VPS41: variants seen among roughly 807,000 people sequenced by gnomAD.
The protein encoded by VPS41 is vacuolar protein sorting-associated protein 41 homolog.
Under a neutral mutation model 130.9 loss-of-function variants are expected in VPS41, and 85 were observed. The ratio of observed to expected loss-of-function variants is 0.65; its 90% CI spans 0.55 to 0.78. The LOEUF is 0.78. Among genes scored for constraint, VPS41 ranks in the 30% least tolerant of loss-of-function variants. VPS41 has a pLI of 0.00. For missense variants in VPS41, 874 were observed against 1,018.7 expected (o/e 0.86, Z 1.93); for synonymous variants, 335 against 332.9 (o/e 1.01, Z -0.07).
intron 10 of VPS41, among the ~76,000 whole-genome samples, chr7:38,779,277 C>T (rs1054424848): frequency 5.9e-5 from 9 of 152,140 alleles, no homozygotes; most frequent in African/African-American, 1.2e-4. Context: ...GACTTCCAGA[C>T]GCACAGGTAA....
intron 10 of VPS41, among the ~76,000 whole-genome samples, chr7:38,787,042 A>C (rs764441776): frequency 6.6e-6 from 1 of 152,248 alleles, no homozygotes; most frequent in African/African-American, 2.4e-5. Context: ...TATATGATCA[A>C]TGAAGATACA....
At chr7:38,763,803 T>C (rs962245755) in intron 16 of VPS41, among the ~76,000 whole-genome samples, 1 of 152,224 alleles carries the variant, frequency 6.6e-6, no homozygotes, top group African/African-American at 2.4e-5. Context: ...CTGTTCTTCC[T>C]GATGAGTTAA....
chr7:38,792,676 C>T (rs974217159), intron 9 of VPS41, among the ~76,000 whole-genome samples: 5 of 152,166 alleles, frequency 3.3e-5, no homozygotes, highest in African/African-American at 1.2e-4. Context: ...AACCAGAGAT[C>T]CTTCCAAAAT....
intron 17 of VPS41, among the ~76,000 whole-genome samples, 193 bp downstream of exon 17, chr7:38,763,262 G>A (rs1397210157): frequency 6.6e-6 from 1 of 152,094 alleles, no homozygotes; most frequent in African/African-American, 2.4e-5. Flanking sequence ...TCCTTAAAAT[G>A]CACACGGACT....
At chr7:38,879,432 G>A (rs1047277804) in intron 2 of VPS41, among the ~76,000 whole-genome samples, 2 of 152,088 alleles carry the variant, frequency 1.3e-5, no homozygotes, top group Non-Finnish European at 1.5e-5. Flanking sequence ...ACTTCATGAA[G>A]GCTCAGAAGA....
intron 1 of VPS41, 57 bp from the exon 2 acceptor site, chr7:38,898,186 G>T: frequency 1.3e-6 from 2 of 1,488,082 alleles, no homozygotes; most frequent in Non-Finnish European, 1.9e-6. Context: ...ATAATCATTT[G>T]CAAGGGGAAA....
chr7:38,755,442 T>A (rs1026350657), intron 19 of VPS41, among the ~76,000 whole-genome samples: 1 of 152,224 alleles, frequency 6.6e-6, no homozygotes, highest in Admixed American at 6.5e-5. Context: ...AGTTTCATAA[T>A]GACATAAAGC....
chr7:38,756,188 T>G (rs1182062251), intron 19 of VPS41, among the ~76,000 whole-genome samples: 1 of 150,034 alleles, frequency 6.7e-6, no homozygotes, highest in Admixed American at 6.8e-5. Context: ...ATTTCTGTCA[T>G]GAGCACTTGT....
chr7:38,857,056 G>A (rs1193322542), intron 4 of VPS41, among the ~76,000 whole-genome samples: 1 of 152,180 alleles, frequency 6.6e-6, no homozygotes, highest in Admixed American at 6.5e-5. Context: ...TGGTTAGATG[G>A]ACAGAGGTCT....
chr7:38,881,523 A>G (rs1786608061), intron 2 of VPS41, among the ~76,000 whole-genome samples: 2 of 152,210 alleles, frequency 1.3e-5, no homozygotes, highest in African/African-American at 2.4e-5. Flanking sequence ...CCTGTTACAG[A>G]GAATAATATA....
intron 4 of VPS41, among the ~76,000 whole-genome samples, chr7:38,843,494 A>G (rs1785656530): frequency 6.6e-6 from 1 of 151,976 alleles, no homozygotes; most frequent in African/African-American, 2.4e-5. Flanking sequence ...CATCTTGGCT[A>G]ACATGGTGAA....
chr7:38,876,606 C>A (rs550241820), intron 2 of VPS41, among the ~76,000 whole-genome samples: 1 of 152,110 alleles, frequency 6.6e-6, no homozygotes. Flanking sequence ...ATTATAAAAA[C>A]GGTTCAACAT....
intron 17 of VPS41, among the ~76,000 whole-genome samples, chr7:38,761,561 G>C (rs1376703603): frequency 1.3e-5 from 2 of 151,328 alleles, no homozygotes; most frequent in African/African-American, 4.9e-5. Flanking sequence ...CCAAAGTGCT[G>C]GGATTACAGG....
intron 7 of VPS41, 106 bp from the exon 8 acceptor site, chr7:38,796,970 C>G: frequency 7.6e-7 from 1 of 1,307,786 alleles, no homozygotes; most frequent in Admixed American, 1.8e-5. Context: ...ACAAACAAGT[C>G]ACTCTCGACG....
At chr7:38,769,929 T>C (rs930288974) in intron 14 of VPS41, among the ~76,000 whole-genome samples, 4 of 152,160 alleles carry the variant, frequency 2.6e-5, no homozygotes, top group African/African-American at 9.7e-5. Context: ...AGCAAGCTCT[T>C]AATTACGAAC....
In VPS41 at chr7:38,754,957, C is replaced by T. The variant is rs374401440; in HGVS notation, c.1696-21G>A. ...GCTTTCTGAAACATATAAGAAAAGCCACAGTCAATGAAATCCGTTATTTAA... is the reference window on the plus strand; with the variant it reads ...GCTTTCTGAAACATATAAGAAAAGCTACAGTCAATGAAATCCGTTATTTAA... On this transcript the variant is annotated intron_variant, in intron 19 of 28. Coordinates refer to ENST00000310301, the MANE Select transcript of VPS41 (RefSeq NM_014396.4). 3.2e-5 allele frequency: 51 copies of T among 1,611,670 alleles called. No individual in the cohort carries two copies. In the African/African-American group the frequency reaches 5.6e-4, roughly 18 times the overall value.
chr7:38,866,673 T>C (rs1353442343), intron 3 of VPS41, among the ~76,000 whole-genome samples: 2 of 152,166 alleles, frequency 1.3e-5, no homozygotes, highest in Admixed American at 6.5e-5. Context: ...TGAAGGTCAG[T>C]GTGCAGGTGG....
At chr7:38,759,929 A>T (rs1783878256) in intron 17 of VPS41, among the ~76,000 whole-genome samples, 1 of 152,110 alleles carries the variant, frequency 6.6e-6, no homozygotes. Context: ...CCAGCATTCT[A>T]TATCTTTAAC....
At chr7:38,827,274 A>C (rs1424541844) in intron 5 of VPS41, among the ~76,000 whole-genome samples, 3 of 152,230 alleles carry the variant, frequency 2.0e-5, no homozygotes, top group African/African-American at 4.8e-5. Flanking sequence ...AGTGAATCAG[A>C]GAAGGGAATA....
Sources: allele counts gnomAD v4.1 joint callset (sites outside exome capture counted in the v4.1 genomes callset), GRCh38; gene constraint gnomAD v4.1.1; transcripts MANE v1.5; gene names NCBI Gene and HGNC (gene_info 2026-07-23, HGNC 2026-07-21).